The following BOP1 variants were observed in gnomAD, a reference collection of about 807,000 sequenced individuals.
BOP1 encodes the protein ribosome biogenesis protein BOP1.
Under a neutral mutation model 82.9 loss-of-function variants are expected in BOP1, and 54 were observed. That is an observed-to-expected ratio of 0.65 (90% CI 0.52 to 0.82). The LOEUF is 0.82. Among genes scored for constraint, BOP1 ranks in the 40% least tolerant of loss-of-function variants. BOP1 has a pLI of 0.00. For missense variants in BOP1, 1,170 were observed against 1,072.0 expected, an observed-to-expected ratio of 1.09 and a Z score of -1.28; for synonymous variants, 566 against 451.1, an observed-to-expected ratio of 1.25 and a Z score of -3.23.
intron 13 of BOP1, 72 bp downstream of exon 13, chr8:144,262,781 C>T: frequency 1.6e-6 from 2 of 1,279,386 alleles, no homozygotes. Context: ...CCTACCCCCA[C>T]CCCTCACCTG....
intron 3 of BOP1, 29 bp from the exon 4 acceptor site, chr8:144,265,100 C>G: frequency 1.3e-6 from 2 of 1,598,288 alleles, no homozygotes; most frequent in Non-Finnish European, 8.5e-7. Flanking sequence ...ATGTCGGCAT[C>G]TGATCCTACA....
intron 2 of BOP1, among the ~76,000 whole-genome samples, chr8:144,279,953 G>C (rs1163116769): frequency 6.6e-6 from 1 of 152,200 alleles, no homozygotes; most frequent in Non-Finnish European, 1.5e-5. Flanking sequence ...CACAGGATGT[G>C]AGCTGAGTGT....
At chr8:144,275,437 G>A (rs916869528) in intron 3 of BOP1, among the ~76,000 whole-genome samples, 13 of 115,616 alleles carry the variant, frequency 1.1e-4, no homozygotes, top group Middle Eastern at 4.6e-3. Context: ...CCACGCCGGC[G>A]GAACCCAGCC....
rs1170618229 is a variant in BOP1 at position 144,268,590 on chromosome 8, G to A, written c.391-3519C>T. 16 of 211,126 alleles carry A rather than the reference G, an allele frequency of 7.6e-5. No homozygotes were observed. The East Asian group carries it at 1.6e-3, about 22-fold the overall frequency. The allele number at this position is 211,126 out of a possible 1,614,324, so 13.1% of individuals were successfully genotyped here. ...CCATCCTCCTTGGGCCAAGTACCCC[G>A]GCTCCCTGGGAAGCCCCCACTTTCC... is the stretch of plus-strand genomic sequence containing the variant. On this transcript the variant is annotated intron_variant, in intron 3 of 15. Transcript: ENST00000569669.
At chr8:144,281,127 CCAGGTCTTAGGCCTTCTCTCAG>C in intron 2 of BOP1, among the ~76,000 whole-genome samples, 1 of 142,242 alleles carries the variant, frequency 7.0e-6, no homozygotes, top group Non-Finnish European at 1.5e-5. Flanking sequence ...CAGTTTAATA[CCAGGTCTTAGGCCTTCTCTCAG>C]TTTAATACCA....
chr8:144,283,772 A>G (rs1588607002), intron 2 of BOP1, among the ~76,000 whole-genome samples: 1 of 152,248 alleles, frequency 6.6e-6, no homozygotes, highest in East Asian at 1.9e-4. Context: ...CGGCTGCAGT[A>G]GTGCATGGCA....
chr8:144,272,544 G>T (rs1015767141), intron 3 of BOP1, among the ~76,000 whole-genome samples: 2 of 152,114 alleles, frequency 1.3e-5, no homozygotes, highest in African/African-American at 4.8e-5. Flanking sequence ...CCAGGGCAAA[G>T]CCTCCGCTCA....
intron 2 of BOP1, among the ~76,000 whole-genome samples, chr8:144,278,941 T>G (rs1845625258): frequency 6.6e-6 from 1 of 152,204 alleles, no homozygotes; most frequent in Admixed American, 6.5e-5. Context: ...AAAACATCCC[T>G]TTTTACTCAG....
intron 2 of BOP1, among the ~76,000 whole-genome samples, chr8:144,282,227 G>A (rs551994866): frequency 2.0e-4 from 31 of 152,326 alleles, no homozygotes; most frequent in South Asian, 1.9e-3. Context: ...GGGAGCACCC[G>A]TGTCAGGGGT....
chr8:144,274,026 G>A (rs1845534019), intron 3 of BOP1, among the ~76,000 whole-genome samples: 2 of 152,286 alleles, frequency 1.3e-5, no homozygotes, highest in Middle Eastern at 3.4e-3. Flanking sequence ...CCTGGATCCA[G>A]ACCCAGGAAG....
At chr8:144,277,776 G>A (rs1183779243) in intron 2 of BOP1, among the ~76,000 whole-genome samples, 1 of 152,272 alleles carries the variant, frequency 6.6e-6, no homozygotes, top group Non-Finnish European at 1.5e-5. Flanking sequence ...GCTCAGCCAG[G>A]CCCAGCGCCC....
rs1284927889 is a variant in BOP1 at position 144,264,914 on chromosome 8, C to T, written c.545+3G>A. 1.1e-5 allele frequency: 18 copies of T among 1,611,298 alleles called. No homozygotes were observed. The Admixed American group carries it at 2.5e-4, about 22-fold the overall frequency. On this transcript the variant is annotated splice_donor_region_variant and intron_variant, in intron 4 of 15. Coordinates refer to ENST00000569669, the MANE Select transcript of BOP1 (RefSeq NM_015201.5). ...CTGCTGGCCCCACCCCACCAGCCCT[C>T]ACCAGTAGTCAGGATCGTCCATCTT...
intron 3 of BOP1, chr8:144,268,080 G>C: frequency 6.5e-7 from 1 of 1,550,062 alleles, no homozygotes; most frequent in Non-Finnish European, 8.7e-7. Context: ...GCCGGGGCCT[G>C]ACACTCCTCC....
chr8:144,270,643 G>A (rs1166584095), intron 3 of BOP1, among the ~76,000 whole-genome samples: 2 of 152,116 alleles, frequency 1.3e-5, no homozygotes, highest in African/African-American at 4.8e-5. Context: ...ATTCAAACCA[G>A]ACCGGGGGTG....
At chr8:144,290,424 T>C (rs778490882) in intron 1 of BOP1, among the ~76,000 whole-genome samples, 1 of 152,204 alleles carries the variant, frequency 6.6e-6, no homozygotes, top group African/African-American at 2.4e-5. Flanking sequence ...TTTACTGTTT[T>C]CCTAATAGTT....
At chr8:144,263,164 G>A in intron 12 of BOP1, 23 bp from the exon 13 acceptor site, 2 of 1,592,798 alleles carry the variant, frequency 1.3e-6, no homozygotes, top group Non-Finnish European at 1.7e-6. Flanking sequence ...AAGGCTGGCT[G>A]AGTGGCTGAG....
Position 144,264,235 on chromosome 8 carries a change from C to T in BOP1, c.968G>A (p.Ser323Asn). 4 of 1,608,852 alleles carry T rather than the reference C, an allele frequency of 2.5e-6. No homozygotes were observed. The highest frequency in any genetic ancestry group is 3.4e-6 in the Non-Finnish European group (4 of 1,178,548). ...AGGATGCAGGCCCACCTCCTCCTCG[C>T]TGAGCAGGTATTCAGGGGGTGGGTT... ...SYNPPPEYLL[S>N]EEERLAWEQQ... The change falls in exon 7 of 16, where the codon AGC (serine) becomes AAC (asparagine). Residue 323 changes from serine to asparagine, a missense_variant. Transcript: ENST00000569669.
Position 144,281,173 on chromosome 8 carries a change from C to T in BOP1, c.310-4869G>A, listed in dbSNP as rs1306119101. On this transcript the variant is annotated intron_variant, in intron 2 of 15. Coordinates refer to ENST00000569669, the MANE Select transcript of BOP1 (RefSeq NM_015201.5). ...AGTTTAATACCAGGTCTTCGGCCTT[C>T]CCTCACTTTCATACCAGGTCTTTGG... 5.9e-4 allele frequency among the ~76,000 whole-genome samples: 41 copies of T among 69,838 alleles called. 9 individuals carry two copies. The highest frequency in any genetic ancestry group is 1.3e-3 in the African/African-American group (33 of 25,372). The allele number at this position is 69,838 out of a possible 152,430, so 45.8% of individuals were successfully genotyped here. A position where few individuals can be genotyped will look rare whatever the true frequency, so the allele number is the denominator to read the frequency against.
At chr8:144,274,458 G>A (rs1326013942) in intron 3 of BOP1, among the ~76,000 whole-genome samples, 3 of 152,150 alleles carry the variant, frequency 2.0e-5, no homozygotes, top group Non-Finnish European at 4.4e-5. Flanking sequence ...CACTCCCCTA[G>A]GGCCACCCCA....
Sources: allele counts gnomAD v4.1 joint callset (sites outside exome capture counted in the v4.1 genomes callset), GRCh38; gene constraint gnomAD v4.1.1; transcripts MANE v1.5; gene names NCBI Gene and HGNC (gene_info 2026-07-23, HGNC 2026-07-21).